The following KLF12 variants were observed in gnomAD, a reference collection of about 807,000 sequenced individuals.
KLF12 encodes the protein Krueppel-like factor 12.
Under a neutral mutation model 37.8 loss-of-function variants are expected in KLF12, and 9 were observed. The observed-to-expected ratio is 0.24, with a 90% CI of 0.14 to 0.42. The LOEUF (loss-of-function observed/expected upper bound fraction) is 0.42. Among genes scored for constraint, KLF12 ranks in the 10% least tolerant of loss-of-function variants. The pLI, the probability that KLF12 is intolerant of heterozygous loss-of-function variation, is 1.00. For missense variants in KLF12, 411 were observed against 516.0 expected, an observed-to-expected ratio of 0.80 and a Z score of 1.97; for synonymous variants, 208 against 202.1, an observed-to-expected ratio of 1.03 and a Z score of -0.25.
intron 2 of KLF12, among the ~76,000 whole-genome samples, chr13:73,980,532 A>G (rs146020363): frequency 6.6e-6 from 1 of 152,190 alleles, no homozygotes; most frequent in Non-Finnish European, 1.5e-5. Flanking sequence ...TATAAATTCA[A>G]CAAAACTAAA....
intron 1 of KLF12, among the ~76,000 whole-genome samples, chr13:74,069,621 G>A (rs1462180524): frequency 6.6e-6 from 1 of 152,174 alleles, no homozygotes; most frequent in East Asian, 1.9e-4. Flanking sequence ...TTAAACAAAA[G>A]AGTGACACAA....
At chr13:74,146,860 G>A in the KLF12 span, among the ~76,000 whole-genome samples, 1 of 152,216 alleles carries the variant, frequency 6.6e-6, no homozygotes, top group Non-Finnish European at 1.5e-5. Flanking sequence ...TAACACAGCT[G>A]GTAAGAGATG....
At chr13:73,829,958 A>G (rs1294862718) in intron 4 of KLF12, among the ~76,000 whole-genome samples, 2 of 152,234 alleles carry the variant, frequency 1.3e-5, no homozygotes, top group Non-Finnish European at 2.9e-5. Context: ...ACAAAATTAT[A>G]TAGTTAAAAC....
chr13:73,833,226 G>C (rs1236363718), intron 4 of KLF12, among the ~76,000 whole-genome samples: 1 of 152,088 alleles, frequency 6.6e-6, no homozygotes, highest in Non-Finnish European at 1.5e-5. Context: ...GAGAGTAAAA[G>C]AATAAATAAG....
the KLF12 span, among the ~76,000 whole-genome samples, chr13:74,192,880 T>A: frequency 6.6e-6 from 1 of 152,198 alleles, no homozygotes. Flanking sequence ...TCACACTATT[T>A]GCTGCTACCT....
At chr13:73,716,227 CCCCAG>C (rs1404430464) in intron 6 of KLF12, among the ~76,000 whole-genome samples, 7 of 152,060 alleles carry the variant, frequency 4.6e-5, no homozygotes. Context: ...AATCTGAATG[CCCCAG>C]TAGAAAAACA....
chr13:74,166,925 G>T, the KLF12 span, among the ~76,000 whole-genome samples: 1 of 152,088 alleles, frequency 6.6e-6, no homozygotes, highest in Non-Finnish European at 1.5e-5. Flanking sequence ...GCACACTTTG[G>T]TTTTCTCTGT....
At chr13:73,796,272 C>T (rs1014894852) in intron 5 of KLF12, among the ~76,000 whole-genome samples, 3 of 152,122 alleles carry the variant, frequency 2.0e-5, no homozygotes, top group African/African-American at 4.8e-5. Context: ...GTTCCTACTC[C>T]GTTAGCACTG....
the KLF12 span, among the ~76,000 whole-genome samples, chr13:74,191,854 G>T: frequency 6.6e-6 from 1 of 151,818 alleles, no homozygotes; most frequent in Non-Finnish European, 1.5e-5. Context: ...GTAAATATAC[G>T]TATATATTTA....
At chr13:74,223,879 A>G in the KLF12 span, among the ~76,000 whole-genome samples, 1 of 152,156 alleles carries the variant, frequency 6.6e-6, no homozygotes, top group Non-Finnish European at 1.5e-5. Flanking sequence ...TCACAAGCAC[A>G]TATTTCACTT....
chr13:74,302,179 C>A, the KLF12 span, among the ~76,000 whole-genome samples: 1 of 152,092 alleles, frequency 6.6e-6, no homozygotes, highest in Admixed American at 6.6e-5. Flanking sequence ...AGCAGGACCT[C>A]CAAGTTCTAT....
At chr13:74,140,486 A>AG in the KLF12 span, among the ~76,000 whole-genome samples, 1 of 152,216 alleles carries the variant, frequency 6.6e-6, no homozygotes, top group Admixed American at 6.5e-5. Flanking sequence ...CCTGTCTCTA[A>AG]GGGAAAAAAA....
At position 73,965,386 on chromosome 13, in the gene KLF12, T is replaced by C. The variant is rs181439524; in HGVS notation, c.34-21316A>G. Among the ~76,000 whole-genome samples the C allele has an allele frequency of 4.9e-3, 751 of 152,324 alleles. 3 individuals carry two copies. The highest frequency in any genetic ancestry group is 8.8e-3 in the Non-Finnish European group (601 of 68,026). On this transcript the variant is annotated intron_variant, in intron 2 of 7. Coordinates refer to ENST00000377669, the MANE Select transcript of KLF12 (RefSeq NM_007249.5). ...TATTTTATTCTAAAAGCACTTTATT[T>C]TGATGGCTCATTTCTTCATTCTTCC...
intron 3 of KLF12, among the ~76,000 whole-genome samples, chr13:73,848,970 G>A (rs558245519): frequency 1.1e-4 from 17 of 152,044 alleles, no homozygotes; most frequent in South Asian, 2.1e-4. Flanking sequence ...TGTTTACAGC[G>A]TTGACACAGC....
At chr13:73,811,873 C>T (rs1054410200) in intron 5 of KLF12, among the ~76,000 whole-genome samples, 10 of 152,256 alleles carry the variant, frequency 6.6e-5, no homozygotes, top group South Asian at 4.1e-4. Flanking sequence ...ATTTTATATA[C>T]GCACAGACAT....
At chr13:74,079,010 T>A (rs1385805229) in intron 1 of KLF12, among the ~76,000 whole-genome samples, 1 of 152,202 alleles carries the variant, frequency 6.6e-6, no homozygotes, top group Non-Finnish European at 1.5e-5. Flanking sequence ...TGGGAGAGAA[T>A]ATGCCTGCAT....
At chr13:73,850,264 C>T (rs1885264560) in intron 3 of KLF12, among the ~76,000 whole-genome samples, 1 of 152,066 alleles carries the variant, frequency 6.6e-6, no homozygotes, top group Admixed American at 6.6e-5. Context: ...TTCCAGTGAA[C>T]ATGTTTTTTT....
chr13:73,984,386 G>GC (rs1891769549), intron 2 of KLF12, among the ~76,000 whole-genome samples: 1 of 152,172 alleles, frequency 6.6e-6, no homozygotes, highest in African/African-American at 2.4e-5. Flanking sequence ...CCACGGGATT[G>GC]CCTTCATCTG....
chr13:73,755,728 G>A (rs373450526), intron 6 of KLF12, among the ~76,000 whole-genome samples: 7 of 151,958 alleles, frequency 4.6e-5, no homozygotes, highest in African/African-American at 1.7e-4. Context: ...CACCTGAGCA[G>A]TGTACACTGT....
Sources: allele counts gnomAD v4.1 joint callset (sites outside exome capture counted in the v4.1 genomes callset), GRCh38; gene constraint gnomAD v4.1.1; transcripts MANE v1.5; gene names NCBI Gene and HGNC (gene_info 2026-07-23, HGNC 2026-07-21).